The following REPIN1 variants were observed in gnomAD, a reference collection of about 807,000 sequenced individuals.
REPIN1 encodes DNA-binding protein REPIN1.
REPIN1 carries 4 observed loss-of-function variants against 5.7 expected under a neutral mutation model. The ratio of observed to expected loss-of-function variants is 0.71; its 90% CI spans 0.35 to 1.62. REPIN1 has a LOEUF of 1.62. Ranked by LOEUF, REPIN1 falls within the 40% of genes most tolerant of loss-of-function variation. The probability of loss-of-function intolerance (pLI) is 0.05; values close to 1 mark genes in which losing one functional copy is unlikely to be tolerated. For missense variants in REPIN1, 854 were observed against 901.0 expected (o/e 0.95, Z 0.67); for synonymous variants, 410 against 386.2 (o/e 1.06, Z -0.72).
At position 150,372,070 on chromosome 7, in the gene REPIN1, C is replaced by G. The variant is rs1363741675; in HGVS notation, c.1000C>G (p.Pro334Ala). ...PECGKRFTNK[P>A]YLTSHRRIHT... The stretch of plus-strand genomic sequence containing the variant: ...GTGCGGGAAGCGCTTTACCAATAAG[C>G]CCTATCTGACTTCGCACCGGCGCAT... Residue 334 changes from proline to alanine, a missense_variant, in exon 3 of 3, where the codon CCC becomes GCC. By Grantham distance (27) the Pro-to-Ala change is conservative. Transcript: ENST00000489432. 2 of 1,609,880 alleles carry G rather than the reference C, an allele frequency of 1.2e-6. No homozygotes were observed. Among genetic ancestry groups the G allele is most frequent in the Non-Finnish European group, 1.7e-6 (2 of 1,178,866 alleles).
chr7:150,370,756 ACAGGGAGCT>A, intron 2 of REPIN1: 1 of 702,512 alleles, frequency 1.4e-6, no homozygotes, highest in East Asian at 2.7e-5. Flanking sequence ...CATCTGTTAA[ACAGGGAGCT>A]CAGTGTCTGT....
At chr7:150,369,975 C>T (rs1799403699) in intron 2 of REPIN1, 107 bp downstream of exon 2, 8 of 1,338,554 alleles carry the variant, frequency 6.0e-6, no homozygotes, top group Non-Finnish European at 6.1e-6. Flanking sequence ...CTGGGGTCTT[C>T]CCTGTGCACA....
intron 1 of REPIN1, 45 bp downstream of exon 1, chr7:150,368,986 G>GGCCGCTCCACCTGCGGGGC (rs1234949994): frequency 5.3e-6 from 2 of 380,266 alleles, no homozygotes; most frequent in Admixed American, 4.5e-5. Context: ...GCCCGCGGGG[G>GGCCGCTCCACCTGCGGGGC]GCCGCTCCAC....
At chr7:150,369,996 G>A in intron 2 of REPIN1, 128 bp downstream of exon 2, 1 of 1,099,242 alleles carries the variant, frequency 9.1e-7, no homozygotes, top group South Asian at 1.7e-5. Flanking sequence ...GTCTGACACT[G>A]GGAATGAGTG....
At position 150,369,834 on chromosome 7, in the gene REPIN1, G is replaced by T; in HGVS notation, c.123G>T (p.Trp41Cys). Residue 41 changes from tryptophan (W) to cysteine (C), a missense_variant, in exon 2 of 3, where the codon TGG becomes TGT. Transcript: ENST00000489432. ...CCAGGAACATCCCCAAGAGGAGCTG[G>T]AAAAAGCCTCATCCCCAGCTCTGCA... ...SIPRNIPKRS[W>C]KKPHPQLCSL... 6.2e-7 allele frequency: 1 copy of T among 1,611,644 alleles called. No homozygotes were observed. Among genetic ancestry groups the T allele is most frequent in the Non-Finnish European group, 8.5e-7 (1 of 1,178,220 alleles).
chr7:150,369,993 ACT>A, intron 2 of REPIN1, 125 bp downstream of exon 2: 1 of 1,156,848 alleles, frequency 8.6e-7, no homozygotes, highest in Non-Finnish European at 1.2e-6. Context: ...ACAGTCTGAC[ACT>A]GGGAATGAGT....
In REPIN1 at chr7:150,371,783, A is replaced by G. The variant is rs770001391; in HGVS notation, c.713A>G (p.Asn238Ser). The stretch of plus-strand genomic sequence containing the variant: ...GAGGCCCGGCCCTTCATATGCGGCA[A>G]CTGTGGCCGGAGCTTTGCCCAGTGG... Reference protein sequence around the residue: ...APEARPFICGNCGRSFAQWDQ... With the variant: ...APEARPFICGSCGRSFAQWDQ... The change falls in exon 3 of 3, where the codon AAC becomes AGC. Residue 238 changes from asparagine (N) to serine (S), a missense_variant. Around this residue, in one of 5 missense-constraint regions of REPIN1, gnomAD observed 409 missense variants for 418.6 expected, o/e 0.98. Transcript: ENST00000489432. 11 of 1,611,422 alleles carry G rather than the reference A, an allele frequency of 6.8e-6. No individual in the cohort carries two copies. The highest frequency in any genetic ancestry group is 4.0e-5 in the African/African-American group (3 of 74,934).
At chr7:150,371,143 C>A in intron 2 of REPIN1, 85 bp from the exon 3 acceptor site, 18 of 1,440,898 alleles carry the variant, frequency 1.2e-5, no homozygotes, top group Non-Finnish European at 1.7e-5. Flanking sequence ...TAGATGGCAG[C>A]TCCTGTCCGG....
In REPIN1 at chr7:150,371,471, G is replaced by A. The variant is rs777503977; in HGVS notation, c.401G>A (p.Arg134His). ...TGGGTGGCTCTGTGGCTTCACACCC[G>A]CCGGTGCCAGGCCCGGCTGCCCTTG... ...PGWVALWLHTRRCQARLPLPC... is the reference protein window; with the variant it reads ...PGWVALWLHTHRCQARLPLPC... Residue 134 changes from arginine (R) to histidine (H), a missense_variant, in exon 3 of 3, where the codon CGC becomes CAC. Arg to His is a conservative substitution (Grantham distance 29). Transcript: ENST00000489432. The A allele has an allele frequency of 6.8e-6, 11 of 1,607,074 alleles. No individual in the cohort carries two copies. Among genetic ancestry groups the A allele is most frequent in the South Asian group, 1.1e-5 (1 of 90,854 alleles).
intron 2 of REPIN1, 164 bp from the exon 3 acceptor site, chr7:150,371,064 G>T (rs1799648340): frequency 1.2e-6 from 1 of 811,224 alleles, no homozygotes. Context: ...ACCCAAGATT[G>T]AAATAATACA....
At position 150,372,714 on chromosome 7, in the gene REPIN1, C is replaced by A; in HGVS notation, c.1644C>A (p.Asp548Glu). ...GCGAGAAGCCCTACGTCTGCCCCGA[C>A]TGCGGCAAAGCCTTCAGCCAGAAGT... ...HTGEKPYVCP[D>E]CGKAFSQKSN... Residue 548 changes from aspartate to glutamate, a missense_variant, in exon 3 of 3, where the codon GAC (aspartate) becomes GAA (glutamate). Around this residue, in one of 5 missense-constraint regions of REPIN1, gnomAD observed 101 missense variants for 124.7 expected, o/e 0.81. Transcript: ENST00000489432. The A allele has an allele frequency of 1.2e-6, 2 of 1,612,520 alleles. No homozygotes were observed. The highest frequency in any genetic ancestry group is 1.7e-6 in the Non-Finnish European group (2 of 1,179,836).
Position 150,372,981 on chromosome 7 carries a change from T to TG in REPIN1, c.*40dup, listed in dbSNP as rs1420544708. The TG allele has an allele frequency of 1.9e-6, 3 of 1,586,084 alleles. No homozygotes were observed. The highest frequency in any genetic ancestry group is 2.7e-5 in the African/African-American group (2 of 74,504). On this transcript the variant is annotated 3_prime_UTR_variant, in exon 3 of 3. Transcript: ENST00000489432. ...GGGGCCGTGTTGGCTGAGAGAGGGC[T>TG]GGGGTCCTTCGTGGTGGGAGTCGCA... is the stretch of plus-strand genomic sequence containing the variant.
chr7:150,371,598 C>A lies in REPIN1; in HGVS notation c.528C>A (p.His176Gln), dbSNP rs909310623. 6.2e-7 allele frequency: 1 copy of A among 1,604,922 alleles called. No individual in the cohort carries two copies. Residue 176 changes from histidine to glutamine, a missense_variant, in exon 3 of 3, where the codon CAC becomes CAA. This residue lies in a region of REPIN1 where 409 missense variants were observed against 418.6 expected (regional missense o/e 0.98). Coordinates refer to ENST00000489432, the MANE Select transcript of REPIN1 (RefSeq NM_001099695.2). The stretch of plus-strand genomic sequence containing the variant: ...CCCCAGACCTGGGCTTTGCCTGCCA[C>A]CTCTGTGGGCAGAGCTTCCGAGGCT... The part of the protein sequence containing the change: ...AATPDLGFAC[H>Q]LCGQSFRGWV...
At chr7:150,369,396 A>C in intron 1 of REPIN1, 1 of 441,464 alleles carries the variant, frequency 2.3e-6, no homozygotes, top group Non-Finnish European at 4.2e-6. Context: ...CCATCAGGGA[A>C]AGCCCAGACT....
chr7:150,370,391 A>G, intron 2 of REPIN1: 1 of 317,050 alleles, frequency 3.2e-6, no homozygotes, highest in Non-Finnish European at 6.0e-6. Flanking sequence ...GTGTGGGTGG[A>G]AGAGGGCAGG....
rs1585073630 is a variant in REPIN1 at position 150,371,747 on chromosome 7, C to T, written c.677C>T (p.Pro226Leu). The change falls in exon 3 of 3, where the codon CCT (proline) becomes CTT (leucine). Residue 226 changes from proline (P) to leucine (L), a missense_variant. Coordinates refer to ENST00000489432, the MANE Select transcript of REPIN1 (RefSeq NM_001099695.2). ...CGAGCTCATCTGCGGCGGTGCCACCCTCCCGCCCCGGAGGCCCGGCCCTTC... is the reference window on the plus strand; with the variant it reads ...CGAGCTCATCTGCGGCGGTGCCACCTTCCCGCCCCGGAGGCCCGGCCCTTC... ...QLRAHLRRCH[P>L]PAPEARPFIC... The T allele has an allele frequency of 8.7e-6, 14 of 1,610,520 alleles. No homozygotes were observed. Among genetic ancestry groups the T allele is most frequent in the Non-Finnish European group, 1.2e-5 (14 of 1,179,832 alleles).
At position 150,372,581 on chromosome 7, in the gene REPIN1, C is replaced by G. The variant is rs374381689; in HGVS notation, c.1511C>G (p.Ala504Gly). ...CGCTTCTCCCAGGGCAGCCATCTGG[C>G]GGCGCATCGGCGCGACCACGCCCCC... is the stretch of plus-strand genomic sequence containing the variant. ...GRRFSQGSHL[A>G]AHRRDHAPDR... Residue 504 changes from alanine to glycine, a missense_variant, in exon 3 of 3, where the codon GCG becomes GGG. Transcript: ENST00000489432. 1.2e-5 allele frequency: 20 copies of G among 1,601,456 alleles called. 2 individuals carry two copies. The South Asian group carries it at 1.7e-4, about 13-fold the overall frequency.
intron 2 of REPIN1, chr7:150,370,992 C>T (rs1412939283): frequency 1.6e-5 from 10 of 633,334 alleles, no homozygotes; most frequent in Non-Finnish European, 1.9e-5. Context: ...GAGTCCCTCC[C>T]TTCTGGAAGT....
chr7:150,370,747 A>G (rs1238474120), intron 2 of REPIN1: 3 of 702,378 alleles, frequency 4.3e-6, no homozygotes, highest in African/African-American at 3.5e-5. Context: ...CAGTTGCTTC[A>G]TCTGTTAAAC....
Sources: gnomAD v4.1 joint callset for allele counts on GRCh38, gnomAD v4.1.1 for gene constraint, gnomAD v4.1.1 regional missense constraint, MANE v1.5 for transcripts, NCBI Gene and HGNC (gene_info 2026-07-23, HGNC 2026-07-21) for gene names.